The following SLC25A48 variants were observed in gnomAD, a reference collection of about 807,000 sequenced individuals.
The protein encoded by SLC25A48 is CTC-321K16.1.
Under a neutral mutation model 32.2 loss-of-function variants are expected in SLC25A48, and 29 were observed. The ratio of observed to expected loss-of-function variants is 0.90; its 90% CI spans 0.67 to 1.23. SLC25A48 has a LOEUF of 1.23. Among genes scored for constraint, SLC25A48 ranks in the 50% most tolerant of loss-of-function variants. SLC25A48 has a pLI of 0.00. For synonymous variants in SLC25A48, 164 were observed against 172.3 expected (o/e 0.95, Z 0.38); for missense variants, 399 against 422.7 (o/e 0.94, Z 0.49).
intron 1 of SLC25A48, among the ~76,000 whole-genome samples, chr5:135,602,695 T>C (rs1358715711): frequency 6.6e-6 from 1 of 151,700 alleles, no homozygotes; most frequent in Non-Finnish European, 1.5e-5. Flanking sequence ...ACATGTGCCA[T>C]GTTGGTTTGC....
intron 6 of SLC25A48, among the ~76,000 whole-genome samples, chr5:135,879,607 A>AGT (rs776733956): frequency 5.6e-4 from 78 of 139,310 alleles, no homozygotes; most frequent in African/African-American, 7.8e-4. Flanking sequence ...AGAGAGAGAG[A>AGT]GAGAGTGTGT....
chr5:135,837,155 G>C (rs1758606233), intron 1 of SLC25A48, among the ~76,000 whole-genome samples: 1 of 152,072 alleles, frequency 6.6e-6, no homozygotes, highest in Non-Finnish European at 1.5e-5. Flanking sequence ...CCTGCCCTGA[G>C]CTGAAGGATG....
intron 3 of SLC25A48, among the ~76,000 whole-genome samples, chr5:135,703,843 C>T (rs1351770849): frequency 6.6e-6 from 1 of 152,204 alleles, no homozygotes. Flanking sequence ...ACTCAATCTC[C>T]ACTGCCTCAC....
chr5:135,703,029 G>T (rs1258669758), intron 3 of SLC25A48, among the ~76,000 whole-genome samples: 1 of 152,140 alleles, frequency 6.6e-6, no homozygotes, highest in Non-Finnish European at 1.5e-5. Flanking sequence ...GAAAATAAAA[G>T]GCCTCAAGAA....
chr5:135,778,759 G>C (rs142421430), intron 3 of SLC25A48, among the ~76,000 whole-genome samples: 1 of 314 alleles, frequency 3.2e-3, no homozygotes, highest in African/African-American at 0.013. Flanking sequence ...CAGGGGATGT[G>C]CACCCCTCTG....
chr5:135,840,439 A>G (rs935839213), intron 1 of SLC25A48, among the ~76,000 whole-genome samples: 8 of 152,210 alleles, frequency 5.3e-5, no homozygotes, highest in Non-Finnish European at 7.3e-5. Context: ...ATAATAGAAA[A>G]CCATTTGAAA....
chr5:135,645,801 T>C (rs1049291196), intron 3 of SLC25A48, among the ~76,000 whole-genome samples: 1 of 152,180 alleles, frequency 6.6e-6, no homozygotes, highest in Non-Finnish European at 1.5e-5. Flanking sequence ...CTCAGAGACT[T>C]TAATCTGCTC....
intron 4 of SLC25A48, chr5:135,824,992 T>A (rs1317301888): frequency 6.6e-6 from 1 of 152,154 alleles, no homozygotes; most frequent in East Asian, 1.9e-4. Flanking sequence ...GCAGGAAGAC[T>A]GTCCTGTTCA....
chr5:135,737,647 A>C (rs1349416023), intron 3 of SLC25A48, among the ~76,000 whole-genome samples: 1 of 151,932 alleles, frequency 6.6e-6, no homozygotes, highest in Non-Finnish European at 1.5e-5. Flanking sequence ...GCTTCAGGTG[A>C]CTCCTTCCAT....
chr5:135,697,366 G>A (rs181874822), intron 3 of SLC25A48, among the ~76,000 whole-genome samples: 2 of 152,326 alleles, frequency 1.3e-5, no homozygotes, highest in Non-Finnish European at 1.5e-5. Context: ...TGCAAGGGTT[G>A]TTGGGCTTGG....
chr5:135,620,790 A>C (rs1580729439), intron 1 of SLC25A48, among the ~76,000 whole-genome samples: 1 of 152,094 alleles, frequency 6.6e-6, no homozygotes, highest in African/African-American at 2.4e-5. Flanking sequence ...TCTCTAGAGC[A>C]ATGCAGTCTC....
chr5:135,798,103 CT>C (rs1757232769), intron 3 of SLC25A48, among the ~76,000 whole-genome samples: 1 of 151,798 alleles, frequency 6.6e-6, no homozygotes, highest in Non-Finnish European at 1.5e-5. Context: ...TGCACCACCC[CT>C]GTGATATTGT....
chr5:135,854,372 A>G (rs1760142530), intron 4 of SLC25A48, among the ~76,000 whole-genome samples: 1 of 152,234 alleles, frequency 6.6e-6, no homozygotes, highest in African/African-American at 2.4e-5. Context: ...TGTTTTGTCT[A>G]CATTGAAAAC....
chr5:135,656,832 G>T (rs1753263137), intron 3 of SLC25A48, among the ~76,000 whole-genome samples: 1 of 152,128 alleles, frequency 6.6e-6, no homozygotes, highest in Non-Finnish European at 1.5e-5. Context: ...ACTGGAAGCT[G>T]GGAGGAGGCC....
At chr5:135,765,647 A>G (rs1756195926) in intron 3 of SLC25A48, among the ~76,000 whole-genome samples, 1 of 146,358 alleles carries the variant, frequency 6.8e-6, no homozygotes, top group Non-Finnish European at 1.5e-5. Context: ...AAAAAATGAT[A>G]TTTCTCCCCA....
At chr5:135,663,900 G>T (rs1753463755) in intron 3 of SLC25A48, among the ~76,000 whole-genome samples, 1 of 152,174 alleles carries the variant, frequency 6.6e-6, no homozygotes, top group Admixed American at 6.5e-5. Flanking sequence ...GTCAGGCTGG[G>T]TGATGCCCGT....
intron 3 of SLC25A48, among the ~76,000 whole-genome samples, chr5:135,718,816 G>C (rs554526361): frequency 3.3e-5 from 5 of 152,080 alleles, no homozygotes; most frequent in Non-Finnish European, 5.9e-5. Flanking sequence ...TTAGAGCACA[G>C]ATGAGTAGTT....
chr5:135,852,533 C>G (rs370364932), intron 3 of SLC25A48, 30 bp from the exon 4 acceptor site: 32 of 1,570,052 alleles, frequency 2.0e-5, no homozygotes, highest in Non-Finnish European at 2.7e-5. Flanking sequence ...CCGGGGTCCT[C>G]ACGCCTCTTC....
At chr5:135,661,840 A>G (rs113919239) in intron 3 of SLC25A48, among the ~76,000 whole-genome samples, 1 of 152,178 alleles carries the variant, frequency 6.6e-6, no homozygotes, top group African/African-American at 2.4e-5. Context: ...CTTAACAGCT[A>G]CACCCTACAG....
Sources: allele counts gnomAD v4.1 joint callset (sites outside exome capture counted in the v4.1 genomes callset), GRCh38; gene constraint gnomAD v4.1.1; transcripts MANE v1.5; gene names NCBI Gene and HGNC (gene_info 2026-07-23, HGNC 2026-07-21).